The following CSMD3 variants were observed in gnomAD, a reference collection of about 807,000 sequenced individuals.
The protein encoded by CSMD3 is CUB and sushi domain-containing protein 3.
In CSMD3, 177 loss-of-function variants were observed where a neutral mutation model predicts 435.2. The ratio of observed to expected loss-of-function variants is 0.41; its 90% CI spans 0.36 to 0.46. The LOEUF is 0.46. CSMD3 is among the 20% of genes least tolerant of loss of function. The pLI, the probability that CSMD3 is intolerant of heterozygous loss-of-function variation, is 0.34. For synonymous variants in CSMD3, 1,656 were observed against 1,520.5 expected, an observed-to-expected ratio of 1.09 and a Z score of -2.07; for missense variants, 4,265 against 4,504.6, an observed-to-expected ratio of 0.95 and a Z score of 1.52.
intron 10 of CSMD3, among the ~76,000 whole-genome samples, chr8:112,868,324 G>T (rs112243884): frequency 0.034 from 5,191 of 152,220 alleles, 148 homozygotes; most frequent in Middle Eastern, 0.051. Context: ...TAAGCAGAAA[G>T]AGTACACTCC....
intron 5 of CSMD3, among the ~76,000 whole-genome samples, chr8:113,053,042 T>G (rs577893889): frequency 4.7e-4 from 71 of 152,134 alleles, no homozygotes; most frequent in Non-Finnish European, 8.1e-4. Context: ...ACAGCCTGTA[T>G]TTTTTTCAAT....
Position 112,517,365 on chromosome 8 carries a change from T to C in CSMD3, c.4565-140A>G, listed in dbSNP as rs1823785714. 9.6e-6 allele frequency: 6 copies of C among 624,812 alleles called. No homozygotes were observed. In the South Asian group the frequency reaches 1.0e-4, roughly 11 times the overall value. The allele number at this position is 624,812 out of a possible 1,614,324, so 38.7% of individuals were successfully genotyped here. On this transcript the variant is annotated intron_variant, in intron 27 of 70. Coordinates refer to ENST00000297405, the MANE Select transcript of CSMD3 (RefSeq NM_198123.2). The stretch of plus-strand genomic sequence containing the variant: ...ATACAATAAACACTTTCTCCATATT[T>C]TAAATAATTTATGTGCTAACTTATT...
Position 112,390,726 on chromosome 8 carries a change from G to T in CSMD3, c.5872C>A (p.Pro1958Thr), listed in dbSNP as rs1315799375. ...GTILSPGYPE[P>T]YDNNLNCVWK... ...ACACAATTCAGATTGTTGTCATAAG[G>T]CTCAGGGTATCCAGGTGACAAAATA... is the stretch of plus-strand genomic sequence containing the variant. The change falls in exon 36 of 71, where the codon CCT becomes ACT. Residue 1958 changes from proline (P) to threonine (T), a missense_variant. By Grantham distance (38) the Pro-to-Thr change is conservative. Coordinates refer to ENST00000297405, the MANE Select transcript of CSMD3 (RefSeq NM_198123.2). The T allele has an allele frequency of 1.2e-6, 2 of 1,612,398 alleles. No individual in the cohort carries two copies. Among genetic ancestry groups the T allele is most frequent in the South Asian group, 1.1e-5 (1 of 91,050 alleles).
chr8:113,284,863 A>T (rs2093635170), intron 2 of CSMD3, among the ~76,000 whole-genome samples: 1 of 152,160 alleles, frequency 6.6e-6, no homozygotes, highest in South Asian at 2.1e-4. Flanking sequence ...ATGACATTTT[A>T]TGTTTCTTTG....
intron 54 of CSMD3, among the ~76,000 whole-genome samples, chr8:112,293,425 A>G (rs1462413626): frequency 6.6e-6 from 1 of 152,154 alleles, no homozygotes; most frequent in African/African-American, 2.4e-5. Context: ...TTGAACAACC[A>G]ATTTTTATGA....
chr8:112,972,276 G>A (rs2084686319), intron 7 of CSMD3, among the ~76,000 whole-genome samples: 1 of 151,820 alleles, frequency 6.6e-6, no homozygotes, highest in Non-Finnish European at 1.5e-5. Context: ...ATTACATACT[G>A]CAAAATAGCA....
intron 38 of CSMD3, among the ~76,000 whole-genome samples, chr8:112,359,771 T>C (rs1260704635): frequency 6.6e-6 from 1 of 152,090 alleles, no homozygotes; most frequent in Admixed American, 6.6e-5. Flanking sequence ...AGTCTGTACA[T>C]TGCAATCCCA....
intron 32 of CSMD3, among the ~76,000 whole-genome samples, chr8:112,447,276 C>T (rs1243732070): frequency 6.6e-6 from 1 of 151,808 alleles, no homozygotes; most frequent in African/African-American, 2.4e-5. Context: ...AAAGTTTATA[C>T]ATGTAAGAAA....
At chr8:113,382,504 G>T (rs2094420764) in intron 1 of CSMD3, among the ~76,000 whole-genome samples, 1 of 152,108 alleles carries the variant, frequency 6.6e-6, no homozygotes, top group Non-Finnish European at 1.5e-5. Flanking sequence ...TAACTAAGTG[G>T]ATTATAGCAT....
chr8:112,258,944 C>A (rs1586566714), intron 61 of CSMD3, among the ~76,000 whole-genome samples: 1 of 152,020 alleles, frequency 6.6e-6, no homozygotes, highest in South Asian at 2.1e-4. Context: ...AAGGCCGAGG[C>A]AGGAGAATGG....
intron 3 of CSMD3, among the ~76,000 whole-genome samples, chr8:113,204,290 TTCCCTATA>T (rs2092746734): frequency 6.6e-6 from 1 of 152,130 alleles, no homozygotes. Context: ...TTCATGGTAT[TTCCCTATA>T]TCACAGAACT....
chr8:112,760,152 A>T (rs2077802710), intron 13 of CSMD3, among the ~76,000 whole-genome samples: 1 of 152,326 alleles, frequency 6.6e-6, no homozygotes, highest in East Asian at 1.9e-4. Context: ...TCAGAATCAG[A>T]TATTGTGACA....
chr8:112,506,952 G>C (rs113891501), intron 28 of CSMD3, 123 bp from the exon 29 acceptor site: 26 of 797,410 alleles, frequency 3.3e-5, no homozygotes, highest in African/African-American at 1.7e-4. Context: ...GAATTTTATA[G>C]TACTTGATGC....
At chr8:112,721,014 C>T (rs974979132) in intron 13 of CSMD3, among the ~76,000 whole-genome samples, 5 of 152,086 alleles carry the variant, frequency 3.3e-5, no homozygotes, top group Non-Finnish European at 4.4e-5. Context: ...TCTGACCCTA[C>T]AGTGCTTTAA....
At chr8:112,453,179 T>C (rs1158138131) in intron 32 of CSMD3, among the ~76,000 whole-genome samples, 1 of 152,012 alleles carries the variant, frequency 6.6e-6, no homozygotes, top group Non-Finnish European at 1.5e-5. Flanking sequence ...TCCAGATTAG[T>C]CAAGAGAAAC....
intron 59 of CSMD3, among the ~76,000 whole-genome samples, chr8:112,278,245 G>T (rs1818277245): frequency 6.6e-6 from 1 of 152,134 alleles, no homozygotes; most frequent in Non-Finnish European, 1.5e-5. Flanking sequence ...TTGATAACTG[G>T]CTCTGCTGCC....
chr8:112,735,096 T>C (rs563933670), intron 13 of CSMD3, among the ~76,000 whole-genome samples: 1 of 152,176 alleles, frequency 6.6e-6, no homozygotes, highest in East Asian at 1.9e-4. Flanking sequence ...TGTTTGGATA[T>C]TGGGACAAAA....
intron 6 of CSMD3, among the ~76,000 whole-genome samples, chr8:112,982,155 C>T (rs1418530415): frequency 1.3e-5 from 2 of 151,800 alleles, no homozygotes; most frequent in Admixed American, 6.6e-5. Flanking sequence ...TTGGAGGTTT[C>T]TCCGATGTGT....
intron 4 of CSMD3, among the ~76,000 whole-genome samples, chr8:113,136,831 T>C (rs1335285662): frequency 6.6e-6 from 1 of 151,422 alleles, no homozygotes; most frequent in Non-Finnish European, 1.5e-5. Flanking sequence ...GTCAGAAAAA[T>C]AGGTAATTTT....
Sources: gnomAD v4.1 joint callset for allele counts (sites outside exome capture counted in the v4.1 genomes callset) on GRCh38, gnomAD v4.1.1 for gene constraint, MANE v1.5 for transcripts, NCBI Gene and HGNC (gene_info 2026-07-23, HGNC 2026-07-21) for gene names.